Variants in LMO4 observed in about 807,000 individuals in gnomAD.
The protein encoded by LMO4 is LIM domain transcription factor LMO4.
Under a neutral mutation model 18.5 loss-of-function variants are expected in LMO4, and 3 were observed. The observed-to-expected ratio is 0.16, with a 90% CI of 0.07 to 0.42. LMO4 has a LOEUF of 0.42. Among genes scored for constraint, LMO4 ranks in the 10% least tolerant of loss-of-function variants. The pLI is 0.99. For synonymous variants in LMO4, 100 were observed against 88.1 expected, an observed-to-expected ratio of 1.14 and a Z score of -0.76; for missense variants, 121 against 219.9, an observed-to-expected ratio of 0.55 and a Z score of 2.84.
At position 87,339,857 on chromosome 1, in the gene LMO4, A is replaced by G. The variant is rs542134613; in HGVS notation, c.334-190A>G. ...TACACATGTATTTGGATTTGTCCCC[A>G]TTTAGCCTGGTCCAGTTGATAGCAA... On this transcript the variant is annotated intron_variant, in intron 3 of 4. Transcript: ENST00000370544. 1.8e-4 allele frequency among the ~76,000 whole-genome samples: 27 copies of G among 152,276 alleles called. No homozygotes were observed. The South Asian group carries it at 3.7e-3, about 21-fold the overall frequency.
chr1:87,335,364 G>A (rs987130937), intron 2 of LMO4, among the ~76,000 whole-genome samples: 1 of 152,042 alleles, frequency 6.6e-6, no homozygotes, highest in African/African-American at 2.4e-5. Context: ...GGCGGTCGTC[G>A]GCTGGCCCTC....
At chr1:87,341,860 A>AT (rs1225846621) in intron 4 of LMO4, among the ~76,000 whole-genome samples, 1 of 152,180 alleles carries the variant, frequency 6.6e-6, no homozygotes, top group African/African-American at 2.4e-5. Flanking sequence ...ATGCTTAAAG[A>AT]TTTTTGTGAT....
Position 87,348,528 on chromosome 1 carries a change from A to G in LMO4, c.*3732A>G. On this transcript the variant is annotated 3_prime_UTR_variant, in exon 5 of 5. Coordinates refer to ENST00000370544, the MANE Select transcript of LMO4 (RefSeq NM_006769.4). ...CTGAACGCATGTTAAACAGCCAGCTACTCCCACTTGCAGAGTCTGAGATCT... is the reference window on the plus strand; with the variant it reads ...CTGAACGCATGTTAAACAGCCAGCTGCTCCCACTTGCAGAGTCTGAGATCT... The G allele has an allele frequency of 1.1e-5, 4 of 361,246 alleles. No homozygotes were observed. Among genetic ancestry groups the G allele is most frequent in the South Asian group, 8.2e-5 (4 of 48,668 alleles). 22.4% of individuals were successfully genotyped at this position (361,246 alleles called of 1,614,324 possible).
chr1:87,330,884 G>A (rs1292117335), intron 1 of LMO4, among the ~76,000 whole-genome samples: 1 of 152,102 alleles, frequency 6.6e-6, no homozygotes, highest in Non-Finnish European at 1.5e-5. Context: ...CAAATTAATC[G>A]GTTTAGGCTA....
chr1:87,339,677 C>T (rs1391761291), intron 3 of LMO4, 45 bp downstream of exon 3: 4 of 1,223,540 alleles, frequency 3.3e-6, no homozygotes, highest in Non-Finnish European at 4.7e-6. Context: ...AAAATCATAC[C>T]TTTCCTACCT....
intron 2 of LMO4, among the ~76,000 whole-genome samples, chr1:87,338,619 T>C (rs542994448): frequency 4.1e-4 from 63 of 152,328 alleles, no homozygotes; most frequent in Non-Finnish European, 8.1e-4. Context: ...TAAGGAATTA[T>C]GTATATGTTT....
At chr1:87,342,229 A>T (rs1650518794) in intron 4 of LMO4, among the ~76,000 whole-genome samples, 1 of 152,206 alleles carries the variant, frequency 6.6e-6, no homozygotes, top group South Asian at 2.1e-4. Flanking sequence ...TGAAGCACTG[A>T]ATACAGGCAA....
intron 2 of LMO4, 72 bp downstream of exon 2, chr1:87,332,323 A>T: frequency 1.6e-6 from 2 of 1,223,770 alleles, no homozygotes; most frequent in Non-Finnish European, 2.4e-6. Flanking sequence ...CAGGGTTGTG[A>T]GGAAAGGAGT....
chr1:87,331,517 G>A (rs938417917), intron 1 of LMO4, among the ~76,000 whole-genome samples: 5 of 152,198 alleles, frequency 3.3e-5, no homozygotes, highest in Admixed American at 2.6e-4. Context: ...ACGAGGCTCC[G>A]GCGGGGCCGC....
Position 87,337,394 on chromosome 1 carries a change from A to G in LMO4, c.237-2142A>G, listed in dbSNP as rs190604532. Among the ~76,000 whole-genome samples the G allele has an allele frequency of 1.0e-3, 154 of 152,344 alleles. 1 individual carries two copies. The highest frequency in any genetic ancestry group is 1.6e-3 in the Non-Finnish European group (110 of 68,030). On this transcript the variant is annotated intron_variant, in intron 2 of 4. Transcript: ENST00000370544. ...TTACTCAGGGTGAATTGTTAAATAA[A>G]TGAACACTTAGGCTGAGTAATCAGA...
At position 87,348,189 on chromosome 1, in the gene LMO4, A is replaced by G. The variant is rs886522475; in HGVS notation, c.*3393A>G. On this transcript the variant is annotated 3_prime_UTR_variant, in exon 5 of 5. Coordinates refer to ENST00000370544, the MANE Select transcript of LMO4 (RefSeq NM_006769.4). ...AAGAGCTACATATGGAGTCTAGTGAAGAGTTCCCATGTAGCCTAACTAATT... is the reference window on the plus strand; with the variant it reads ...AAGAGCTACATATGGAGTCTAGTGAGGAGTTCCCATGTAGCCTAACTAATT... 2.6e-5 allele frequency: 4 copies of G among 154,084 alleles called. No individual in the cohort carries two copies. The highest frequency in any genetic ancestry group is 5.8e-5 in the Non-Finnish European group (4 of 69,286). The allele number at this position is 154,084 out of a possible 1,614,324, so 9.5% of individuals were successfully genotyped here.
rs139339239 is a variant in LMO4 at position 87,344,248 on chromosome 1, T to C, written c.490-540T>C. Among the ~76,000 whole-genome samples the C allele has an allele frequency of 9.0e-3, 1,375 of 152,332 alleles. 18 individuals carry two copies. Among genetic ancestry groups the C allele is most frequent in the African/African-American group, 0.032 (1,320 of 41,578 alleles). ...TAACTGCCAGTATTTGTTGAACTTT[T>C]ATTAAGGGCCAAGCACTGTTGAAAG... is the stretch of plus-strand genomic sequence containing the variant. On this transcript the variant is annotated intron_variant, in intron 4 of 4. Transcript: ENST00000370544.
At chr1:87,340,622 G>A (rs1035497467) in intron 4 of LMO4, among the ~76,000 whole-genome samples, 8 of 152,278 alleles carry the variant, frequency 5.3e-5, no homozygotes, top group Admixed American at 2.6e-4. Flanking sequence ...TGATTTCTGC[G>A]TTAGGAATAG....
intron 2 of LMO4, among the ~76,000 whole-genome samples, chr1:87,335,130 G>A (rs541947218): frequency 9.4e-4 from 143 of 152,218 alleles, no homozygotes; most frequent in African/African-American, 3.3e-3. Context: ...GGGGAACCTT[G>A]GGACTGCCCC....
Position 87,348,143 on chromosome 1 carries a change from CAT to C in LMO4, c.*3351_*3352del, listed in dbSNP as rs1478914226. ...AAAATATTTCTTAGGGCCCATAAAT[CAT>C]ATAATAAACAGTGAACCCAAGAGCT... On this transcript the variant is annotated 3_prime_UTR_variant, in exon 5 of 5. Transcript: ENST00000370544. The C allele has an allele frequency of 3.3e-5, 5 of 152,408 alleles. No individual in the cohort carries two copies. Among genetic ancestry groups the C allele is most frequent in the Admixed American group, 1.3e-4 (2 of 15,316 alleles). 9.4% of individuals were successfully genotyped at this position (152,408 alleles called of 1,614,324 possible).
At chr1:87,329,904 T>A (rs1296624238) in intron 1 of LMO4, among the ~76,000 whole-genome samples, 1 of 152,148 alleles carries the variant, frequency 6.6e-6, no homozygotes, top group Non-Finnish European at 1.5e-5. Context: ...ATTTTGCCTC[T>A]AGCTGCCAGT....
chr1:87,332,048 C>A lies in LMO4; in HGVS notation c.33C>A (p.Pro11=), dbSNP rs1237068592. 2 of 1,613,094 alleles carry A rather than the reference C, an allele frequency of 1.2e-6. No homozygotes were observed. Among genetic ancestry groups the A allele is most frequent in the Non-Finnish European group, 8.5e-7 (1 of 1,179,914 alleles). MVNPGSSSQP[P]PVTAGSLSWK... ...ATCCGGGCAGCAGCTCGCAGCCGCC[C>A]CCGGTGACGGCCGGCTCCCTCTCCT... The change falls in exon 2 of 5, where the codon CCC becomes CCA. Residue 11 remains proline (P), a synonymous_variant. Coordinates refer to ENST00000370544, the MANE Select transcript of LMO4 (RefSeq NM_006769.4).
intron 2 of LMO4, among the ~76,000 whole-genome samples, chr1:87,334,102 G>A (rs745766315): frequency 2.0e-5 from 3 of 152,150 alleles, no homozygotes; most frequent in African/African-American, 4.8e-5. Context: ...AAATGTAAAT[G>A]GCCTTTTGGT....
chr1:87,333,746 T>C (rs554845994), intron 2 of LMO4, among the ~76,000 whole-genome samples: 1 of 152,244 alleles, frequency 6.6e-6, no homozygotes, highest in Non-Finnish European at 1.5e-5. Flanking sequence ...TAGAAGTAAA[T>C]GTTGGAAAAT....
Sources: allele counts gnomAD v4.1 joint callset (sites outside exome capture counted in the v4.1 genomes callset), GRCh38; gene constraint gnomAD v4.1.1; transcripts MANE v1.5; gene names NCBI Gene and HGNC (gene_info 2026-07-23, HGNC 2026-07-21).